The following CENPP variants were observed in gnomAD, a reference collection of about 807,000 sequenced individuals.
The protein encoded by CENPP is centromere protein P.
In CENPP, 24 loss-of-function variants were observed where a neutral mutation model predicts 35.6. The ratio of observed to expected loss-of-function variants is 0.67; its 90% confidence interval spans 0.49 to 0.95. The LOEUF (loss-of-function observed/expected upper bound fraction) is 0.95, where lower values mean the gene tolerates loss of function less well. Ranked by LOEUF, CENPP falls within the 40% of genes least tolerant of loss-of-function variation. CENPP has a pLI of 0.00. For synonymous variants in CENPP, 120 were observed against 125.5 expected, an observed-to-expected ratio of 0.96 and a Z score of 0.29; for missense variants, 332 against 345.3, an observed-to-expected ratio of 0.96 and a Z score of 0.31.
At chr9:92,515,334 C>A in intron 5 of CENPP, 1 of 1,217,820 alleles carries the variant, frequency 8.2e-7, no homozygotes, top group South Asian at 3.2e-5. Context: ...AGATGAAATG[C>A]ACCTTGAAAT....
At chr9:92,453,736 C>A (rs544598920) in intron 5 of CENPP, among the ~76,000 whole-genome samples, 1 of 152,002 alleles carries the variant, frequency 6.6e-6, no homozygotes, top group Non-Finnish European at 1.5e-5. Flanking sequence ...CTGCACCAAG[C>A]GGCAATTCTT....
Position 92,559,993 on chromosome 9 carries a change from A to G in CENPP, c.565-51321A>G, listed in dbSNP as rs1588275544. 2.0e-5 allele frequency among the ~76,000 whole-genome samples: 3 copies of G among 152,282 alleles called. No individual in the cohort carries two copies. The Middle Eastern group carries it at 0.01, about 518-fold the overall frequency. ...CATCTCTGCAAAACATTTAGAAATT[A>G]GCTGGGCAAGGTGGCACATAACTAT... On this transcript the variant is annotated intron_variant, in intron 5 of 7. Transcript: ENST00000375587.
chr9:92,439,773 G>A (rs1844340827), intron 5 of CENPP, among the ~76,000 whole-genome samples: 1 of 152,074 alleles, frequency 6.6e-6, no homozygotes, highest in South Asian at 2.1e-4. Context: ...TATATTTTCT[G>A]TAGAATTATG....
At chr9:92,389,842 T>C (rs763470737) in intron 5 of CENPP, 2 of 1,568,968 alleles carry the variant, frequency 1.3e-6, no homozygotes, top group Non-Finnish European at 1.8e-6. Flanking sequence ...AGTTTTACTA[T>C]AAAATACTTA....
At chr9:92,510,643 C>A (rs1340992431) in intron 5 of CENPP, among the ~76,000 whole-genome samples, 1 of 152,196 alleles carries the variant, frequency 6.6e-6, no homozygotes, top group Non-Finnish European at 1.5e-5. Context: ...CTAGCCTGTA[C>A]CCCCACAAGT....
In CENPP at chr9:92,567,391, T is replaced by TATATATATATATATATATAG. The variant is rs374567670; in HGVS notation, c.565-43918_565-43917insTATATATATATATAGATATA. 1.1e-4 allele frequency among the ~76,000 whole-genome samples: 11 copies of TATATATATATATATATATAG among 98,374 alleles called. No individual in the cohort carries two copies. In the East Asian group the frequency reaches 1.8e-3, roughly 16 times the overall value. The allele number at this position is 98,374 out of a possible 152,430, so 64.5% of individuals were successfully genotyped here. A position where few individuals can be genotyped will look rare whatever the true frequency, so the allele number is the denominator to read the frequency against. ...TAAGATAGATATATATATATATATATATATAGATATATATATAAAGTGGTT... is the reference window on the plus strand; with the variant it reads ...TAAGATAGATATATATATATATATATATATATATATATATATATAGATATAGATATATATATAAAGTGGTT... On this transcript the variant is annotated intron_variant, in intron 5 of 7. Coordinates refer to ENST00000375587, the MANE Select transcript of CENPP (RefSeq NM_001012267.3).
In CENPP at chr9:92,613,055, C is replaced by A; in HGVS notation, c.773C>A (p.Ala258Asp). 6.2e-7 allele frequency: 1 copy of A among 1,614,160 alleles called. No individual in the cohort carries two copies. Among genetic ancestry groups the A allele is most frequent in the Non-Finnish European group, 8.5e-7 (1 of 1,179,984 alleles). ...GACAAGAACAGAGCCATAGAAACTG[C>A]TCCTCTCAGCTTCCGAACCCTGGTA... ...ELDKNRAIET[A>D]PLSFRTLVGL... is the part of the protein sequence containing the mutation. Residue 258 changes from alanine (A) to aspartate (D), a missense_variant, in exon 8 of 8, where the codon GCT becomes GAT. By Grantham distance (126) the Ala-to-Asp change is moderately radical. Coordinates refer to ENST00000375587, the MANE Select transcript of CENPP (RefSeq NM_001012267.3).
chr9:92,545,537 C>G (rs1202448371), intron 5 of CENPP, among the ~76,000 whole-genome samples: 1 of 80,798 alleles, frequency 1.2e-5, no homozygotes, highest in African/African-American at 1.2e-4. Flanking sequence ...TCCCGCCCCG[C>G]CGGGCCCCTT....
At chr9:92,601,563 C>T (rs1429671682) in intron 5 of CENPP, among the ~76,000 whole-genome samples, 3 of 152,346 alleles carry the variant, frequency 2.0e-5, no homozygotes, top group East Asian at 1.9e-4. Context: ...TTAAACGCCA[C>T]GCTGTGACCA....
intron 5 of CENPP, among the ~76,000 whole-genome samples, chr9:92,436,193 T>C (rs563919182): frequency 6.6e-6 from 1 of 152,350 alleles, no homozygotes; most frequent in Admixed American, 6.5e-5. Context: ...GCTTATTTGC[T>C]ATCTGTGTAT....
intron 4 of CENPP, among the ~76,000 whole-genome samples, chr9:92,371,392 G>A (rs1842001216): frequency 6.6e-6 from 1 of 152,058 alleles, no homozygotes; most frequent in South Asian, 2.1e-4. Context: ...GGAACATGTT[G>A]TTTAATTTCC....
intron 5 of CENPP, among the ~76,000 whole-genome samples, chr9:92,413,366 T>C (rs1426806042): frequency 6.6e-6 from 1 of 152,186 alleles, no homozygotes; most frequent in East Asian, 1.9e-4. Flanking sequence ...CAAAGGTGTA[T>C]GAAGGCTCCA....
chr9:92,544,539 AG>A (rs5899163), intron 5 of CENPP, among the ~76,000 whole-genome samples: 62,228 of 139,312 alleles, frequency 0.45, 14,879 homozygotes, highest in African/African-American at 0.7. Context: ...TAATTTGTTG[AG>A]GGGTTTTTTT....
At chr9:92,427,731 C>T (rs1464559964) in intron 5 of CENPP, among the ~76,000 whole-genome samples, 3 of 152,224 alleles carry the variant, frequency 2.0e-5, no homozygotes, top group African/African-American at 7.2e-5. Context: ...CCACCCGCCT[C>T]AGCCTCCCAA....
At chr9:92,544,391 G>A (rs1029736454) in intron 5 of CENPP, among the ~76,000 whole-genome samples, 12 of 152,274 alleles carry the variant, frequency 7.9e-5, no homozygotes, top group East Asian at 1.9e-4. Context: ...CACGAGAATC[G>A]CTTGAATCTT....
intron 5 of CENPP, among the ~76,000 whole-genome samples, chr9:92,451,722 A>G (rs911559307): frequency 4.0e-5 from 6 of 149,474 alleles, no homozygotes; most frequent in African/African-American, 1.5e-4. Flanking sequence ...GATTCTTCCT[A>G]CCCATGAGCA....
intron 5 of CENPP, among the ~76,000 whole-genome samples, chr9:92,592,661 T>C (rs775252041): frequency 1.3e-5 from 2 of 152,226 alleles, no homozygotes; most frequent in Non-Finnish European, 2.9e-5. Flanking sequence ...CATATACATA[T>C]GCTCAGCTTT....
rs185270401 is a variant in CENPP, at chr9:92,613,557, T to C, written c.*408T>C. 1.0e-3 allele frequency: 207 copies of C among 206,772 alleles called. No individual in the cohort carries two copies. Among genetic ancestry groups the C allele is most frequent in the African/African-American group, 4.3e-3 (187 of 43,492 alleles). The allele number at this position is 206,772 out of a possible 1,614,324, so 12.8% of individuals were successfully genotyped here. A position where few individuals can be genotyped will look rare whatever the true frequency, so the allele number is the denominator to read the frequency against. On this transcript the variant is annotated 3_prime_UTR_variant, in exon 8 of 8. Coordinates refer to ENST00000375587, the MANE Select transcript of CENPP (RefSeq NM_001012267.3). ...GCCTCCTGGGGGCTCTGGAGACGGA[T>C]GCCTATGGCGCCTCATCTTTAAACT...
chr9:92,390,903 A>G (rs1046502931), intron 5 of CENPP, among the ~76,000 whole-genome samples: 3 of 152,178 alleles, frequency 2.0e-5, no homozygotes, highest in African/African-American at 7.2e-5. Flanking sequence ...CCCTGTAGGC[A>G]TATCACAGCC....
Sources: allele counts gnomAD v4.1 joint callset (sites outside exome capture counted in the v4.1 genomes callset), GRCh38; gene constraint gnomAD v4.1.1; transcripts MANE v1.5; gene names NCBI Gene and HGNC (gene_info 2026-07-23, HGNC 2026-07-21).